RGS7: variants seen among roughly 807,000 people sequenced by gnomAD.
The protein encoded by RGS7 is regulator of G-protein signaling 7.
RGS7 carries 27 observed loss-of-function variants against 81.1 expected under a neutral mutation model. That is an observed-to-expected ratio of 0.33 (90% CI 0.25 to 0.46). RGS7 has a LOEUF of 0.46. Among genes scored for constraint, RGS7 ranks in the 20% least tolerant of loss-of-function variants. RGS7 has a pLI of 1.00. For synonymous variants in RGS7, 208 were observed against 207.7 expected (o/e 1.00, Z -0.01); for missense variants, 396 against 607.4 (o/e 0.65, Z 3.66).
At chr1:241,200,936 C>T (rs78248596) in intron 2 of RGS7, among the ~76,000 whole-genome samples, 7 of 152,312 alleles carry the variant, frequency 4.6e-5, no homozygotes, top group Admixed American at 2.6e-4. Flanking sequence ...TTCTCCCCAA[C>T]TCCAGTCCAA....
intron 3 of RGS7, among the ~76,000 whole-genome samples, chr1:241,039,780 C>G (rs1031730539): frequency 1.3e-5 from 2 of 152,152 alleles, no homozygotes; most frequent in Non-Finnish European, 2.9e-5. Flanking sequence ...TGAAGGCTAG[C>G]TGGTGACGAT....
At chr1:241,285,735 G>A (rs537680905) in intron 2 of RGS7, among the ~76,000 whole-genome samples, 6 of 152,220 alleles carry the variant, frequency 3.9e-5, no homozygotes, top group South Asian at 2.1e-4. Context: ...TGTTCACAAC[G>A]AAGCTCCTCA....
intron 9 of RGS7, among the ~76,000 whole-genome samples, chr1:240,842,631 G>T (rs1035652496): frequency 5.7e-5 from 1 of 17,602 alleles, no homozygotes; most frequent in African/African-American, 1.4e-4. Flanking sequence ...AAGCATTTTG[G>T]GGGGGGAATA....
intron 3 of RGS7, among the ~76,000 whole-genome samples, chr1:241,069,755 T>C (rs2062316740): frequency 6.6e-6 from 1 of 152,174 alleles, no homozygotes; most frequent in Non-Finnish European, 1.5e-5. Context: ...TCAGAAAATA[T>C]TCTAATCAAA....
chr1:241,130,361 A>G (rs1211651643), intron 2 of RGS7, among the ~76,000 whole-genome samples: 2 of 151,616 alleles, frequency 1.3e-5, no homozygotes, highest in African/African-American at 2.4e-5. Flanking sequence ...AAAAAACACT[A>G]GGCTCTGAAC....
chr1:241,272,266 T>A (rs1042300079), intron 2 of RGS7, among the ~76,000 whole-genome samples: 2 of 152,130 alleles, frequency 1.3e-5, no homozygotes, highest in African/African-American at 4.8e-5. Flanking sequence ...GTGCTGGGAT[T>A]ACAGGCGTGA....
chr1:241,334,385 C>T (rs1013354480), intron 2 of RGS7, among the ~76,000 whole-genome samples: 3 of 152,246 alleles, frequency 2.0e-5, no homozygotes, highest in South Asian at 2.1e-4. Flanking sequence ...CTCGGTACCA[C>T]GGTCCTGGGA....
At chr1:241,002,292 CA>C (rs556314548) in intron 3 of RGS7, among the ~76,000 whole-genome samples, 49 of 144,476 alleles carry the variant, frequency 3.4e-4, no homozygotes, top group Non-Finnish European at 5.6e-4. Flanking sequence ...ACTAAAAATG[CA>C]AAAAAAAAAA....
Position 240,791,939 on chromosome 1 carries a change from A to C in RGS7, c.*6+8702T>G, listed in dbSNP as rs1226275386. ...TGATGCTGTTTAATTCAATGACATA[A>C]ATTGAGATTGAGAGTTGACCATCTG... On this transcript the variant is annotated intron_variant, in intron 18 of 18. Coordinates refer to ENST00000440928, the MANE Select transcript of RGS7 (RefSeq NM_001364886.1). 3.3e-5 allele frequency among the ~76,000 whole-genome samples: 5 copies of C among 152,318 alleles called. No individual in the cohort carries two copies. The East Asian group carries it at 9.6e-4, about 29-fold the overall frequency.
chr1:241,217,307 G>T (rs1273753413), intron 2 of RGS7, among the ~76,000 whole-genome samples: 1 of 152,118 alleles, frequency 6.6e-6, no homozygotes, highest in African/African-American at 2.4e-5. Flanking sequence ...CCTTGATTAT[G>T]GACTTCTAGG....
At chr1:240,808,907 A>AC (rs200296521) in intron 14 of RGS7, among the ~76,000 whole-genome samples, 1 of 38,868 alleles carries the variant, frequency 2.6e-5, no homozygotes, top group African/African-American at 7.4e-5. Context: ...TATATCCTTT[A>AC]TATAGGTGGA....
intron 3 of RGS7, among the ~76,000 whole-genome samples, chr1:240,984,482 G>T (rs1685374200): frequency 1.3e-5 from 2 of 152,206 alleles, no homozygotes; most frequent in Admixed American, 6.6e-5. Context: ...TTCTAGCCCG[G>T]AAGCATAGAT....
intron 3 of RGS7, among the ~76,000 whole-genome samples, chr1:241,089,642 C>G (rs35738219): frequency 1.6e-4 from 25 of 152,194 alleles, no homozygotes; most frequent in Admixed American, 2.6e-4. Flanking sequence ...AACTTCCACC[C>G]TAATACTAAT....
In RGS7 at chr1:240,967,878, G is replaced by C. The variant is rs928596698; in HGVS notation, c.226+15201C>G. Among the ~76,000 whole-genome samples the C allele has an allele frequency of 5.0e-5, 7 of 140,330 alleles. No individual in the cohort carries two copies. The East Asian group carries it at 1.2e-3, about 25-fold the overall frequency. 92.1% of individuals were successfully genotyped at this position (140,330 alleles called of 152,430 possible). ...ATTCGAAATTACAAAAAGCAAATTA[G>C]AGTTATTGCTTTTAAAGAATCCAAA... On this transcript the variant is annotated intron_variant, in intron 4 of 18. Coordinates refer to ENST00000440928, the MANE Select transcript of RGS7 (RefSeq NM_001364886.1).
chr1:241,150,467 G>T (rs574810598), intron 2 of RGS7, among the ~76,000 whole-genome samples: 72 of 152,280 alleles, frequency 4.7e-4, no homozygotes, highest in Non-Finnish European at 8.7e-4. Context: ...TCATCTTGAG[G>T]ATATAAATCT....
intron 2 of RGS7, among the ~76,000 whole-genome samples, chr1:241,205,602 A>G (rs2073826949): frequency 6.6e-6 from 1 of 151,516 alleles, no homozygotes; most frequent in South Asian, 2.1e-4. Flanking sequence ...CAGGCATGCA[A>G]CCACCACACC....
intron 2 of RGS7, among the ~76,000 whole-genome samples, chr1:241,199,904 C>T (rs2073371263): frequency 6.6e-6 from 1 of 152,142 alleles, no homozygotes; most frequent in Non-Finnish European, 1.5e-5. Flanking sequence ...GCTGTAGGAC[C>T]TTTGACAGGT....
rs146296331 is a variant in RGS7 at position 240,899,509 on chromosome 1, G to A, written c.386-29390C>T. The stretch of plus-strand genomic sequence containing the variant: ...TGACAAAATCTCTCAGCAATTGCTT[G>A]TCCGTAAAGGATTTTATTTCTCCTT... On this transcript the variant is annotated intron_variant, in intron 6 of 18. Transcript: ENST00000440928. Among the ~76,000 whole-genome samples the A allele has an allele frequency of 3.2e-3, 483 of 152,268 alleles. 3 individuals are homozygous for A. The highest frequency in any genetic ancestry group is 0.011 in the African/African-American group (461 of 41,538).
At chr1:241,345,173 G>C (rs909935922) in intron 2 of RGS7, among the ~76,000 whole-genome samples, 4 of 152,206 alleles carry the variant, frequency 2.6e-5, no homozygotes, top group African/African-American at 9.6e-5. Context: ...TTATAAGTAG[G>C]AGCTAAATGA....
Sources: allele counts gnomAD v4.1 joint callset (sites outside exome capture counted in the v4.1 genomes callset), GRCh38; gene constraint gnomAD v4.1.1; transcripts MANE v1.5; gene names NCBI Gene and HGNC (gene_info 2026-07-23, HGNC 2026-07-21).